Variants in RFC2 observed in about 807,000 individuals in gnomAD.
The protein encoded by RFC2 is A1 40 kDa subunit.
In RFC2, 34 loss-of-function variants were observed where a neutral mutation model predicts 44.8. That is an observed-to-expected ratio of 0.76 (90% CI 0.58 to 1.01). RFC2 has a LOEUF of 1.01. Ranked by LOEUF, RFC2 falls within the 50% of genes least tolerant of loss-of-function variation. RFC2 has a pLI of 0.00. For synonymous variants in RFC2, 177 were observed against 168.9 expected (o/e 1.05, Z -0.37); for missense variants, 400 against 453.6 (o/e 0.88, Z 1.07).
In RFC2 at chr7:74,243,227, G is replaced by C; in HGVS notation, c.454C>G (p.Gln152Glu). Residue 152 changes from glutamine (Q) to glutamate (E), a missense_variant, in exon 6 of 11, where the codon CAA becomes GAA. Coordinates refer to ENST00000055077, the MANE Select transcript of RFC2 (RefSeq NM_181471.3). Reference sequence around the variant, plus strand: ...ATTTCCATGGTTCTCCTCAAGGCTTGCTGGGCTCCGTCGGTCATGCTGAGA... The same window carrying C: ...ATTTCCATGGTTCTCCTCAAGGCTTCCTGGGCTCCGTCGGTCATGCTGAGA... ...EADSMTDGAQQALRRTMEIYS... is the reference protein window; with the variant it reads ...EADSMTDGAQEALRRTMEIYS... 6.2e-7 allele frequency: 1 copy of C among 1,613,458 alleles called. No homozygotes were observed. Among genetic ancestry groups the C allele is most frequent in the Non-Finnish European group, 8.5e-7 (1 of 1,179,476 alleles).
intron 2 of RFC2, 155 bp from the exon 3 acceptor site, chr7:74,249,935 A>T: frequency 2.9e-6 from 2 of 700,304 alleles, no homozygotes; most frequent in Non-Finnish European, 5.2e-6. Flanking sequence ...AAGGCAGGAC[A>T]ATCACTTGAG....
At chr7:74,236,367 G>A (rs1372871269) in intron 9 of RFC2, among the ~76,000 whole-genome samples, 2 of 152,258 alleles carry the variant, frequency 1.3e-5, no homozygotes, top group Admixed American at 6.5e-5. Flanking sequence ...CTTGCACTCC[G>A]GTTTCACATT....
At position 74,254,328 on chromosome 7, in the gene RFC2, T is replaced by G. The variant is rs782042801; in HGVS notation, c.56A>C (p.Asp19Ala). Residue 19 changes from aspartate to alanine, a missense_variant, in exon 1 of 11, where the codon GAC (aspartate) becomes GCC (alanine). Physicochemically the swap from Asp to Ala is moderately radical, Grantham distance 126. Coordinates refer to ENST00000055077, the MANE Select transcript of RFC2 (RefSeq NM_181471.3). ...GGCCTTGCTGAAGGCAGGGGCAGGGTCAGAGTCCTGGGCCTCCACCTCGCC... is the reference window on the plus strand; with the variant it reads ...GGCCTTGCTGAAGGCAGGGGCAGGGGCAGAGTCCTGGGCCTCCACCTCGCC... Reference protein sequence around the residue: ...GAGEVEAQDSDPAPAFSKAPG... With the variant: ...GAGEVEAQDSAPAPAFSKAPG... 16 of 1,611,890 alleles carry G rather than the reference T, an allele frequency of 9.9e-6. No homozygotes were observed. Among genetic ancestry groups the G allele is most frequent in the Non-Finnish European group, 1.7e-6 (2 of 1,179,476 alleles).
chr7:74,243,037 T>C, intron 6 of RFC2, 109 bp downstream of exon 6: 1 of 705,138 alleles, frequency 1.4e-6, no homozygotes, highest in East Asian at 2.6e-5. Flanking sequence ...TGAGCTGTGA[T>C]GGCACCACTG....
At chr7:74,243,309 T>C (rs1803439390) in intron 5 of RFC2, 63 bp from the exon 6 acceptor site, 3 of 1,153,048 alleles carry the variant, frequency 2.6e-6, no homozygotes, top group Admixed American at 3.5e-5. Flanking sequence ...AATCGTTCCC[T>C]ATACAAAAAC....
chr7:74,236,479 C>CCA (rs1803019947), intron 9 of RFC2, among the ~76,000 whole-genome samples: 1 of 152,180 alleles, frequency 6.6e-6, no homozygotes, highest in African/African-American at 2.4e-5. Flanking sequence ...ACCACACCAA[C>CCA]CACACCACAC....
intron 1 of RFC2, among the ~76,000 whole-genome samples, 200 bp from the exon 2 acceptor site, chr7:74,252,698 G>A (rs1446153851): frequency 5.3e-5 from 8 of 152,132 alleles, no homozygotes; most frequent in African/African-American, 1.9e-4. Context: ...ACTTTGTGAG[G>A]CTGAGGCGGG....
intron 10 of RFC2, chr7:74,234,042 C>G (rs1017049071): frequency 2.5e-6 from 1 of 406,158 alleles, no homozygotes; most frequent in African/African-American, 2.0e-5. Flanking sequence ...TCACCACAAT[C>G]TGTAAACCCA....
chr7:74,240,766 C>T (rs1301705722), intron 6 of RFC2, among the ~76,000 whole-genome samples: 1 of 152,176 alleles, frequency 6.6e-6, no homozygotes, highest in African/African-American at 2.4e-5. Context: ...GGGCACATGA[C>T]AATTCAATCT....
intron 10 of RFC2, among the ~76,000 whole-genome samples, chr7:74,232,418 T>C (rs940576575): frequency 4.0e-5 from 6 of 151,184 alleles, no homozygotes; most frequent in African/African-American, 1.5e-4. Flanking sequence ...TATTTATTTC[T>C]TAAAAGGATG....
intron 4 of RFC2, among the ~76,000 whole-genome samples, chr7:74,248,492 G>C (rs1255662119): frequency 1.3e-5 from 2 of 150,656 alleles, no homozygotes; most frequent in African/African-American, 5.0e-5. Flanking sequence ...TGAAAAAAGA[G>C]AAAAACTAGT....
At chr7:74,248,054 CA>C (rs1243416292) in intron 4 of RFC2, among the ~76,000 whole-genome samples, 1 of 152,062 alleles carries the variant, frequency 6.6e-6, no homozygotes, top group Non-Finnish European at 1.5e-5. Context: ...CTCAGCCTCC[CA>C]AAGTGCTGGG....
At chr7:74,236,445 C>T (rs1466192110) in intron 9 of RFC2, among the ~76,000 whole-genome samples, 2 of 152,192 alleles carry the variant, frequency 1.3e-5, no homozygotes, top group African/African-American at 4.8e-5. Context: ...CAGAGGGAAA[C>T]CATGACTGGA....
At chr7:74,237,319 A>G in intron 9 of RFC2, 43 bp downstream of exon 9, 1 of 1,409,068 alleles carries the variant, frequency 7.1e-7, no homozygotes, top group Non-Finnish European at 9.9e-7. Flanking sequence ...TCTGCCCAAG[A>G]AGTGAGCGGT....
At chr7:74,232,480 G>A (rs1802787853) in intron 10 of RFC2, among the ~76,000 whole-genome samples, 1 of 151,708 alleles carries the variant, frequency 6.6e-6, no homozygotes, top group African/African-American at 2.4e-5. Flanking sequence ...GCGAGGGGGG[G>A]CGGGGTGGTG....
chr7:74,242,252 TCAA>T (rs1247688803), intron 6 of RFC2, among the ~76,000 whole-genome samples: 1 of 152,166 alleles, frequency 6.6e-6, no homozygotes, highest in Non-Finnish European at 1.5e-5. Flanking sequence ...GCAGGGGACA[TCAA>T]CAACATCCTT....
chr7:74,248,882 T>A, intron 4 of RFC2, 130 bp downstream of exon 4: 6 of 668,824 alleles, frequency 9.0e-6, no homozygotes. Flanking sequence ...GCTCTTTCAC[T>A]GGGAAGGGGT....
intron 8 of RFC2, 66 bp from the exon 9 acceptor site, chr7:74,237,508 C>T (rs1243900744): frequency 1.2e-5 from 12 of 1,001,946 alleles, no homozygotes; most frequent in African/African-American, 1.6e-5. Flanking sequence ...GAGGCCCCAA[C>T]AGACCGACTT....
At position 74,249,131 on chromosome 7, in the gene RFC2, T is replaced by A. The variant is rs368226255; in HGVS notation, c.226-13A>T. 60 of 1,613,342 alleles carry A rather than the reference T, an allele frequency of 3.7e-5. No individual in the cohort carries two copies. Among genetic ancestry groups the A allele is most frequent in the Non-Finnish European group, 4.7e-5 (56 of 1,179,700 alleles). ...TTCCTGGAGGGCCCTGGGAATGAGA[T>A]CTCCAGTAAAGACTTCAAACCACCA... On this transcript the variant is annotated splice_polypyrimidine_tract_variant and intron_variant, in intron 3 of 10. Coordinates refer to ENST00000055077, the MANE Select transcript of RFC2 (RefSeq NM_181471.3).
Sources: allele counts gnomAD v4.1 joint callset (sites outside exome capture counted in the v4.1 genomes callset), GRCh38; gene constraint gnomAD v4.1.1; transcripts MANE v1.5; gene names NCBI Gene and HGNC (gene_info 2026-07-23, HGNC 2026-07-21).